The following PARD3B variants were observed in gnomAD, a reference collection of about 807,000 sequenced individuals.
The protein encoded by PARD3B is par-3 family cell polarity regulator beta, also known as partitioning defective 3 homolog B.
PARD3B carries 103 observed loss-of-function variants against 130.2 expected under a neutral mutation model. The ratio of observed to expected loss-of-function variants is 0.79; its 90% confidence interval spans 0.67 to 0.93. The LOEUF (loss-of-function observed/expected upper bound fraction) is 0.93, where lower values mean the gene tolerates loss of function less well. Among genes scored for constraint, PARD3B ranks in the 40% least tolerant of loss-of-function variants. The probability of loss-of-function intolerance (pLI) is 0.00; values close to 1 mark genes in which losing one functional copy is unlikely to be tolerated. For missense variants in PARD3B, 1,609 were observed against 1,499.2 expected (o/e 1.07, Z -1.21); for synonymous variants, 583 against 553.2 (o/e 1.05, Z -0.76).
chr2:204,564,255 A>T (rs1056268134), intron 1 of PARD3B, among the ~76,000 whole-genome samples: 1 of 152,224 alleles, frequency 6.6e-6, no homozygotes, highest in Non-Finnish European at 1.5e-5. Context: ...TTTGAAATGA[A>T]GAAAGCCATA....
intron 2 of PARD3B, among the ~76,000 whole-genome samples, chr2:204,849,991 C>T (rs950743924): frequency 5.9e-5 from 9 of 152,168 alleles, no homozygotes; most frequent in South Asian, 2.1e-4. Flanking sequence ...GAAGCGTTAA[C>T]GTATTAGATA....
intron 1 of PARD3B, among the ~76,000 whole-genome samples, chr2:204,614,320 T>TAGAC (rs1574552241): frequency 1.3e-5 from 2 of 151,484 alleles, no homozygotes; most frequent in East Asian, 4.0e-4. Flanking sequence ...TACATTTTTT[T>TAGAC]ATACTGTCTT....
Position 204,860,132 on chromosome 2 carries a change from AC to A in PARD3B, c.223-105019del, listed in dbSNP as rs142886461. On this transcript the variant is annotated intron_variant, in intron 2 of 22. Coordinates refer to ENST00000406610, the MANE Select transcript of PARD3B (RefSeq NM_001302769.2). ...TTGTAATTAAGAATACATTATAAAA[AC>A]AAAAAGGAATCGCAGCTATAAAAAT... Among the ~76,000 whole-genome samples, 1,077 of 152,326 alleles carry A rather than the reference AC, an allele frequency of 7.1e-3. 11 individuals are homozygous for A. Among genetic ancestry groups the A allele is most frequent in the African/African-American group, 0.024 (1,016 of 41,560 alleles).
rs952488353 is a variant in PARD3B, at chr2:205,274,413, T to G, written c.2186-26117T>G. Among the ~76,000 whole-genome samples the G allele has an allele frequency of 6.6e-6, 1 of 152,100 alleles. No individual in the cohort carries two copies. The highest frequency in any genetic ancestry group is 1.5e-5 in the Non-Finnish European group (1 of 67,986). On this transcript the variant is annotated intron_variant, in intron 16 of 22. Coordinates refer to ENST00000406610, the MANE Select transcript of PARD3B (RefSeq NM_001302769.2). The surrounding 1 kb of genome is among the most constrained non-coding windows in gnomAD (Gnocchi z 4.2). The stretch of plus-strand genomic sequence containing the variant: ...GTGCTTTTAGTAACTTATATTGCAG[T>G]GACTTTAATATTACTGAGGAAGAAA...
At chr2:204,853,543 T>C (rs2044795500) in intron 2 of PARD3B, among the ~76,000 whole-genome samples, 1 of 152,190 alleles carries the variant, frequency 6.6e-6, no homozygotes, top group African/African-American at 2.4e-5. Context: ...AAGCTGGCAA[T>C]GGAAGTCAGT....
chr2:204,962,354 G>T (rs998790963), intron 2 of PARD3B, among the ~76,000 whole-genome samples: 1 of 152,052 alleles, frequency 6.6e-6, no homozygotes, highest in Non-Finnish European at 1.5e-5. Context: ...AGCCCCTGAG[G>T]TGTCAGTGGA....
chr2:204,801,943 T>G (rs557371002), intron 2 of PARD3B, among the ~76,000 whole-genome samples: 1 of 152,318 alleles, frequency 6.6e-6, no homozygotes, highest in South Asian at 2.1e-4. Flanking sequence ...CAAAGGCCTT[T>G]TTTGCATCTA....
At chr2:204,607,889 T>C (rs1336683675) in intron 1 of PARD3B, among the ~76,000 whole-genome samples, 3 of 152,192 alleles carry the variant, frequency 2.0e-5, no homozygotes, top group African/African-American at 7.2e-5. Context: ...TCATGTAAAT[T>C]GTAATCCTGT....
intron 2 of PARD3B, among the ~76,000 whole-genome samples, chr2:204,964,453 C>G (rs546038288): frequency 8.5e-5 from 13 of 152,150 alleles, no homozygotes; most frequent in African/African-American, 2.6e-4. Context: ...ATAGTTCTCA[C>G]GTAAAATAAG....
chr2:205,552,321 A>C (rs1206243810), intron 21 of PARD3B, among the ~76,000 whole-genome samples: 2 of 152,156 alleles, frequency 1.3e-5, no homozygotes, highest in Admixed American at 6.6e-5. Context: ...GGGGGGCATC[A>C]TGGATGCTGT....
intron 4 of PARD3B, among the ~76,000 whole-genome samples, chr2:205,088,302 A>G (rs1701865796): frequency 6.6e-6 from 1 of 152,206 alleles, no homozygotes; most frequent in South Asian, 2.1e-4. Flanking sequence ...TTTGAGCATA[A>G]ATAAGGAAAT....
intron 1 of PARD3B, among the ~76,000 whole-genome samples, chr2:204,660,611 A>T (rs2035774788): frequency 6.6e-6 from 1 of 152,186 alleles, no homozygotes; most frequent in Non-Finnish European, 1.5e-5. Context: ...TTAAGCACTA[A>T]TCTTGGTTCC....
At chr2:205,416,978 G>A (rs927055979) in intron 19 of PARD3B, among the ~76,000 whole-genome samples, 2 of 151,730 alleles carry the variant, frequency 1.3e-5, no homozygotes, top group African/African-American at 4.8e-5. Context: ...TGTGCACAAC[G>A]TGCAGGTTTG....
intron 1 of PARD3B, among the ~76,000 whole-genome samples, chr2:204,615,228 T>C (rs1263110367): frequency 6.6e-6 from 1 of 152,202 alleles, no homozygotes; most frequent in Non-Finnish European, 1.5e-5. Flanking sequence ...ATGTTCTCCT[T>C]TGATACTACA....
intron 4 of PARD3B, among the ~76,000 whole-genome samples, chr2:205,055,475 G>A (rs1397624054): frequency 6.6e-6 from 1 of 152,152 alleles, no homozygotes; most frequent in Non-Finnish European, 1.5e-5. Flanking sequence ...ATTTGACAGT[G>A]TTGTTTGAAA....
intron 1 of PARD3B, among the ~76,000 whole-genome samples, chr2:204,567,578 GT>G (rs2031750058): frequency 6.6e-6 from 1 of 152,256 alleles, no homozygotes; most frequent in African/African-American, 2.4e-5. Context: ...ATATTTCTTT[GT>G]ATGTATGTAC....
intron 15 of PARD3B, among the ~76,000 whole-genome samples, chr2:205,206,285 A>G (rs1219942883): frequency 6.8e-6 from 1 of 146,078 alleles, no homozygotes; most frequent in Non-Finnish European, 1.5e-5. Flanking sequence ...TTACACATGT[A>G]TACATGTGCC....
At chr2:205,597,223 T>G (rs1160480742) in intron 22 of PARD3B, among the ~76,000 whole-genome samples, 1 of 151,822 alleles carries the variant, frequency 6.6e-6, no homozygotes, top group African/African-American at 2.4e-5. Context: ...GTTCTCATCT[T>G]TGTTTGTGTG....
At chr2:205,420,245 C>T (rs1221436455) in intron 19 of PARD3B, among the ~76,000 whole-genome samples, 1 of 152,204 alleles carries the variant, frequency 6.6e-6, no homozygotes. Context: ...TCTGCTCTCT[C>T]ATCTCCCCTG....
Sources: allele counts gnomAD v4.1 joint callset (sites outside exome capture counted in the v4.1 genomes callset), GRCh38; gene constraint gnomAD v4.1.1; non-coding constraint Gnocchi (gnomAD v3.1); transcripts MANE v1.5; gene names NCBI Gene and HGNC (gene_info 2026-07-23, HGNC 2026-07-21).